FOXP2: variants seen among roughly 807,000 people sequenced by gnomAD.
FOXP2 encodes the protein forkhead box protein P2.
FOXP2 carries 12 observed loss-of-function variants against 115.8 expected under a neutral mutation model. That is an observed-to-expected ratio of 0.10 (90% confidence interval 0.07 to 0.17). The LOEUF (loss-of-function observed/expected upper bound fraction) is 0.17. Among genes scored for constraint, FOXP2 ranks in the 10% least tolerant of loss-of-function variants. The pLI, the probability that FOXP2 is intolerant of heterozygous loss-of-function variation, is 1.00. For synonymous variants in FOXP2, 328 were observed against 297.7 expected (o/e 1.10, Z -1.05); for missense variants, 629 against 843.5 (o/e 0.75, Z 3.15).
At chr7:114,248,476 A>T (rs1338087541) in intron 1 of FOXP2, among the ~76,000 whole-genome samples, 2 of 152,326 alleles carry the variant, frequency 1.3e-5, no homozygotes, top group East Asian at 3.9e-4. Context: ...ATGGAAAAAA[A>T]CTCAATACGT....
At chr7:114,267,494 C>A (rs1219460441) in intron 1 of FOXP2, among the ~76,000 whole-genome samples, 1 of 151,706 alleles carries the variant, frequency 6.6e-6, no homozygotes, top group African/African-American at 2.4e-5. Context: ...TTTGGGAGGC[C>A]AAGGCAAGCA....
chr7:114,458,828 T>A lies in FOXP2; in HGVS notation c.168+32149T>A, dbSNP rs117653936. Among the ~76,000 whole-genome samples, 29 of 152,322 alleles carry A rather than the reference T, an allele frequency of 1.9e-4. No homozygotes were observed. The East Asian group carries it at 4.8e-3, about 25-fold the overall frequency. Reference sequence around the variant, plus strand: ...TTCAAATACACCATCTATTTAATGCTTCCTAAAAAACCATACTAAACTTAG... The same window carrying A: ...TTCAAATACACCATCTATTTAATGCATCCTAAAAAACCATACTAAACTTAG... On this transcript the variant is annotated intron_variant, in intron 2 of 16. Coordinates refer to ENST00000350908, the MANE Select transcript of FOXP2 (RefSeq NM_014491.4).
At chr7:114,279,429 C>A (rs181398333) in intron 1 of FOXP2, among the ~76,000 whole-genome samples, 1 of 152,204 alleles carries the variant, frequency 6.6e-6, no homozygotes, top group African/African-American at 2.4e-5. Context: ...TTAGGAAATC[C>A]AGCAACTCCC....
chr7:114,594,330 C>A (rs1167891515), intron 3 of FOXP2, among the ~76,000 whole-genome samples: 1 of 152,036 alleles, frequency 6.6e-6, no homozygotes, highest in African/African-American at 2.4e-5. Flanking sequence ...CTGCATTGGG[C>A]TACCCACCTC....
chr7:114,183,964 T>C (rs1267258674), intron 1 of FOXP2, among the ~76,000 whole-genome samples: 1 of 152,154 alleles, frequency 6.6e-6, no homozygotes, highest in Non-Finnish European at 1.5e-5. Context: ...ACGAGAAACA[T>C]GAATATTGGA....
At chr7:114,379,218 C>G (rs1294557360) in intron 2 of FOXP2, among the ~76,000 whole-genome samples, 2 of 152,208 alleles carry the variant, frequency 1.3e-5, no homozygotes, top group African/African-American at 4.8e-5. Flanking sequence ...GTCCCTCCCA[C>G]TGTGCTCTCA....
chr7:114,141,228 G>A (rs1346854423), intron 1 of FOXP2, among the ~76,000 whole-genome samples: 1 of 152,162 alleles, frequency 6.6e-6, no homozygotes, highest in African/African-American at 2.4e-5. Context: ...ACATGATTGA[G>A]CTCCCCACGA....
At chr7:114,305,705 T>C (rs570067388) in intron 2 of FOXP2, among the ~76,000 whole-genome samples, 1 of 152,208 alleles carries the variant, frequency 6.6e-6, no homozygotes, top group Non-Finnish European at 1.5e-5. Flanking sequence ...CTAGTTCTGA[T>C]GTAATATCAT....
At chr7:114,455,432 A>G (rs1795274317) in intron 2 of FOXP2, among the ~76,000 whole-genome samples, 1 of 152,180 alleles carries the variant, frequency 6.6e-6, no homozygotes, top group South Asian at 2.1e-4. Flanking sequence ...TGGTTTACTA[A>G]TGATTTTCAG....
chr7:114,329,255 C>G (rs533625027), intron 2 of FOXP2, among the ~76,000 whole-genome samples: 14 of 152,178 alleles, frequency 9.2e-5, no homozygotes, highest in Non-Finnish European at 2.9e-5. Context: ...TGGTGGTTCA[C>G]GCCTGTAATC....
rs575232403 is a variant in FOXP2 at position 114,692,497 on chromosome 7, C to T, written c.*2571C>T. The T allele has an allele frequency of 3.9e-4, 175 of 453,832 alleles. No homozygotes were observed. Among genetic ancestry groups the T allele is most frequent in the African/African-American group, 3.2e-3 (162 of 50,036 alleles). The allele number at this position is 453,832 out of a possible 1,614,324, so 28.1% of individuals were successfully genotyped here. ...CATATTATGTAAAAATGTTGGTGGA[C>T]CCATAAATGACCAGACTTTTTCTAA... On this transcript the variant is annotated 3_prime_UTR_variant, in exon 17 of 17. Coordinates refer to ENST00000350908, the MANE Select transcript of FOXP2 (RefSeq NM_014491.4).
rs146696372 is a variant in FOXP2, at chr7:114,420,151, G to T, written c.-11+4791G>T. Among the ~76,000 whole-genome samples the T allele has an allele frequency of 7.5e-4, 114 of 152,010 alleles. 1 individual carries two copies. In the East Asian group the frequency reaches 0.021, roughly 28 times the overall value. ...AAAGTAAGCCTGAGGGTTAAGGAAA[G>T]ATATGTGGCAGGAAAGGTGAAAATG... is the stretch of plus-strand genomic sequence containing the variant. On this transcript the variant is annotated intron_variant, in intron 1 of 16. Coordinates refer to ENST00000350908, the MANE Select transcript of FOXP2 (RefSeq NM_014491.4).
intron 1 of FOXP2, among the ~76,000 whole-genome samples, chr7:114,271,856 A>G (rs1311416520): frequency 4.0e-5 from 5 of 123,902 alleles, no homozygotes; most frequent in Non-Finnish European, 7.9e-5. Context: ...TTAAATAATT[A>G]TTAAAACATT....
chr7:114,676,098 T>A (rs866812178), intron 16 of FOXP2, among the ~76,000 whole-genome samples: 17,772 of 144,178 alleles, frequency 0.12, 1,036 homozygotes, highest in Middle Eastern at 0.21. Context: ...TTTTTTTTTT[T>A]TTGTATTTTT....
At chr7:114,235,575 T>C (rs544886782) in intron 1 of FOXP2, among the ~76,000 whole-genome samples, 1 of 152,356 alleles carries the variant, frequency 6.6e-6, no homozygotes, top group Non-Finnish European at 1.5e-5. Context: ...CTTAGTACAC[T>C]GAATTTCTAT....
chr7:114,152,899 G>A (rs1792564337), intron 1 of FOXP2, among the ~76,000 whole-genome samples: 1 of 152,112 alleles, frequency 6.6e-6, no homozygotes, highest in African/African-American at 2.4e-5. Flanking sequence ...GGATTTCCAG[G>A]CACTGGAGTC....
chr7:114,438,596 C>T (rs753223397), intron 2 of FOXP2, among the ~76,000 whole-genome samples: 32 of 152,006 alleles, frequency 2.1e-4, no homozygotes, highest in Non-Finnish European at 4.1e-4. Flanking sequence ...ATATGTGTTT[C>T]GTTAGTCAAG....
intron 3 of FOXP2, among the ~76,000 whole-genome samples, chr7:114,563,967 C>T (rs750382290): frequency 2.6e-5 from 4 of 152,122 alleles, no homozygotes; most frequent in Non-Finnish European, 5.9e-5. Flanking sequence ...ACTGCTTTGG[C>T]ACTTACCAGA....
chr7:114,578,379 A>G (rs1320534134), intron 3 of FOXP2, among the ~76,000 whole-genome samples: 1 of 151,994 alleles, frequency 6.6e-6, no homozygotes, highest in African/African-American at 2.4e-5. Flanking sequence ...ATGGACTGAT[A>G]GTGTATTAGA....
Sources: allele counts gnomAD v4.1 joint callset (sites outside exome capture counted in the v4.1 genomes callset), GRCh38; gene constraint gnomAD v4.1.1; transcripts MANE v1.5; gene names NCBI Gene and HGNC (gene_info 2026-07-23, HGNC 2026-07-21).